GMDS: variants seen among roughly 807,000 people sequenced by gnomAD.
The protein encoded by GMDS is GDP-mannose 4,6 dehydratase.
GMDS carries 20 observed loss-of-function variants against 49.9 expected under a neutral mutation model. The observed-to-expected ratio is 0.40, with a 90% CI of 0.28 to 0.58. The LOEUF is 0.58. Ranked by LOEUF, GMDS falls within the 20% of genes least tolerant of loss-of-function variation. GMDS has a pLI of 0.42. For synonymous variants in GMDS, 177 were observed against 178.6 expected (o/e 0.99, Z 0.07); for missense variants, 362 against 481.4 (o/e 0.75, Z 2.32).
intron 7 of GMDS, among the ~76,000 whole-genome samples, chr6:1,815,137 C>T (rs557991174): frequency 1.6e-4 from 25 of 152,278 alleles, no homozygotes; most frequent in Non-Finnish European, 2.9e-4. Context: ...GCTGGGGCTC[C>T]ACTCTGTGTT....
chr6:1,952,734 T>C, intron 6 of GMDS, among the ~76,000 whole-genome samples: 1 of 151,608 alleles, frequency 6.6e-6, no homozygotes. Flanking sequence ...GTTAGGCAAA[T>C]ATGGAAAGGA....
At chr6:2,220,686 A>G (rs1211783018) in intron 1 of GMDS, among the ~76,000 whole-genome samples, 1 of 152,172 alleles carries the variant, frequency 6.6e-6, no homozygotes, top group Non-Finnish European at 1.5e-5. Context: ...ATGAAGATAA[A>G]CAAATTTCAT....
At chr6:1,968,524 C>A (rs2628456) in intron 4 of GMDS, among the ~76,000 whole-genome samples, 2 of 151,902 alleles carry the variant, frequency 1.3e-5, no homozygotes, top group Admixed American at 6.6e-5. Flanking sequence ...TCCCCTCTTG[C>A]GGGGTTTACA....
At chr6:1,982,707 C>T (rs1360906245) in intron 4 of GMDS, among the ~76,000 whole-genome samples, 1 of 152,170 alleles carries the variant, frequency 6.6e-6, no homozygotes, top group African/African-American at 2.4e-5. Context: ...CTACAAACCA[C>T]TGCTCAAAGA....
chr6:1,782,603 A>C (rs1233490658), intron 7 of GMDS, among the ~76,000 whole-genome samples: 1 of 152,258 alleles, frequency 6.6e-6, no homozygotes, highest in Non-Finnish European at 1.5e-5. Flanking sequence ...TTGGATAGAC[A>C]TGCCTCATGG....
At chr6:2,136,908 A>G (rs949087162) in intron 1 of GMDS, among the ~76,000 whole-genome samples, 20 of 14,964 alleles carry the variant, frequency 1.3e-3, no homozygotes, top group Non-Finnish European at 7.7e-4. Context: ...ATTTCAAACA[A>G]AAAAAAAAAA....
intron 4 of GMDS, among the ~76,000 whole-genome samples, chr6:2,075,449 T>C (rs1772276929): frequency 6.6e-6 from 1 of 152,176 alleles, no homozygotes. Flanking sequence ...GATGTTCCTC[T>C]TCCTGTGTCC....
At chr6:1,750,717 G>C (rs1767687164) in intron 7 of GMDS, among the ~76,000 whole-genome samples, 1 of 152,058 alleles carries the variant, frequency 6.6e-6, no homozygotes, top group Non-Finnish European at 1.5e-5. Context: ...ACACCAGTGA[G>C]AAAGAACCGT....
chr6:2,017,125 A>G (rs1217715299), intron 4 of GMDS, among the ~76,000 whole-genome samples: 2 of 152,200 alleles, frequency 1.3e-5, no homozygotes, highest in African/African-American at 2.4e-5. Flanking sequence ...TGCTGAAAAG[A>G]TCAATAAAAT....
At chr6:1,699,712 G>C (rs1172429322) in intron 9 of GMDS, among the ~76,000 whole-genome samples, 1 of 152,116 alleles carries the variant, frequency 6.6e-6, no homozygotes, top group Non-Finnish European at 1.5e-5. Flanking sequence ...GAAAATCCAG[G>C]ACCATCTCCA....
rs1006267945 is a variant in GMDS, at chr6:1,833,309, A to T, written c.772-90723T>A. Among the ~76,000 whole-genome samples the T allele has an allele frequency of 6.6e-6, 1 of 151,698 alleles. No individual in the cohort carries two copies. On this transcript the variant is annotated intron_variant, in intron 7 of 10. Transcript: ENST00000380815. This position sits in a 1 kb window ranked among gnomAD's most constrained non-coding sequence, Gnocchi z 4.4. Reference sequence around the variant, plus strand: ...GGGAGGCCCCAGAACAACACTGGACACATCAAATGTCCTCCCTTCCTTCAT... The same window carrying T: ...GGGAGGCCCCAGAACAACACTGGACTCATCAAATGTCCTCCCTTCCTTCAT...
At chr6:1,988,827 A>C (rs997658184) in intron 4 of GMDS, among the ~76,000 whole-genome samples, 9 of 151,994 alleles carry the variant, frequency 5.9e-5, no homozygotes, top group African/African-American at 2.2e-4. Context: ...GATGAATAGG[A>C]TATAGATAAA....
At chr6:2,193,259 A>G (rs1779128576) in intron 1 of GMDS, among the ~76,000 whole-genome samples, 1 of 152,266 alleles carries the variant, frequency 6.6e-6, no homozygotes, top group Non-Finnish European at 1.5e-5. Flanking sequence ...ACCTCACTCA[A>G]GTTATTACAT....
At chr6:1,830,551 G>A (rs917685932) in intron 7 of GMDS, among the ~76,000 whole-genome samples, 3 of 152,196 alleles carry the variant, frequency 2.0e-5, no homozygotes, top group African/African-American at 7.2e-5. Flanking sequence ...AAGAAGATGA[G>A]ACAGAAGCAA....
chr6:1,786,572 T>C (rs1435811387), intron 7 of GMDS, among the ~76,000 whole-genome samples: 1 of 152,100 alleles, frequency 6.6e-6, no homozygotes, highest in Non-Finnish European at 1.5e-5. Context: ...GGCCCTGAGT[T>C]TGTGATGGTT....
chr6:2,108,696 T>C (rs1399994520), intron 4 of GMDS, among the ~76,000 whole-genome samples: 1 of 152,176 alleles, frequency 6.6e-6, no homozygotes, highest in Non-Finnish European at 1.5e-5. Flanking sequence ...ATATAAAGTA[T>C]CAGAGTCCTG....
chr6:2,104,195 T>A (rs1774088757), intron 4 of GMDS, among the ~76,000 whole-genome samples: 1 of 152,230 alleles, frequency 6.6e-6, no homozygotes, highest in Admixed American at 6.5e-5. Flanking sequence ...TATTTTGACA[T>A]GCATATTATC....
chr6:2,202,333 C>A (rs1041868782), intron 1 of GMDS, among the ~76,000 whole-genome samples: 5 of 151,472 alleles, frequency 3.3e-5, no homozygotes, highest in Admixed American at 2.6e-4. Flanking sequence ...CAGAACACCA[C>A]ATGCACATCC....
At chr6:1,868,368 A>G (rs557384496) in intron 7 of GMDS, among the ~76,000 whole-genome samples, 12 of 152,322 alleles carry the variant, frequency 7.9e-5, no homozygotes, top group Middle Eastern at 3.4e-3. Context: ...AACCTGGAAC[A>G]TATTTTCCTA....
Sources: gnomAD v4.1 joint callset for allele counts (sites outside exome capture counted in the v4.1 genomes callset) on GRCh38, gnomAD v4.1.1 for gene constraint, Gnocchi (gnomAD v3.1) non-coding constraint, MANE v1.5 for transcripts, NCBI Gene and HGNC (gene_info 2026-07-23, HGNC 2026-07-21) for gene names.